DLGAP1: variants seen among roughly 807,000 people sequenced by gnomAD.
The protein encoded by DLGAP1 is DLG associated protein 1.
A neutral mutation model predicts 90.8 loss-of-function variants in DLGAP1; 11 were observed. That is an observed-to-expected ratio of 0.12 (90% CI 0.08 to 0.20). The LOEUF is 0.20. DLGAP1 is among the 10% of genes least tolerant of loss of function. DLGAP1 has a pLI of 1.00. For synonymous variants in DLGAP1, 558 were observed against 540.7 expected (o/e 1.03, Z -0.44); for missense variants, 1,050 against 1,333.8 (o/e 0.79, Z 3.31).
intron 7 of DLGAP1, among the ~76,000 whole-genome samples, chr18:3,602,512 G>A (rs1007457008): frequency 7.4e-5 from 11 of 147,990 alleles, no homozygotes; most frequent in Admixed American, 4.7e-4. Context: ...GGAGAATGGC[G>A]TGAACCCGGG....
intron 11 of DLGAP1, among the ~76,000 whole-genome samples, chr18:3,503,037 A>C (rs527492386): frequency 6.6e-6 from 1 of 152,366 alleles, no homozygotes; most frequent in East Asian, 1.9e-4. Context: ...ATTCCACTAC[A>C]TGCCATACAA....
chr18:4,268,573 G>T (rs909900667), intron 1 of DLGAP1, among the ~76,000 whole-genome samples: 1 of 152,072 alleles, frequency 6.6e-6, no homozygotes, highest in Non-Finnish European at 1.5e-5. Flanking sequence ...TAACAGCAGG[G>T]TTTGTGGGTT....
chr18:4,439,668 G>C lies in DLGAP1; in HGVS notation c.-267+15338C>G, dbSNP rs189820590. On this transcript the variant is annotated intron_variant, in intron 1 of 12. Transcript: ENST00000315677. ...AAAAAAATAAAAATAAACTAGCCAG[G>C]CATGGTGGCACACACCTGTAGTTCC... Among the ~76,000 whole-genome samples the C allele has an allele frequency of 4.5e-4, 68 of 152,198 alleles. No individual in the cohort carries two copies. The South Asian group carries it at 0.01, about 23-fold the overall frequency.
chr18:4,325,026 C>G (rs961559133), intron 1 of DLGAP1, among the ~76,000 whole-genome samples: 1 of 151,998 alleles, frequency 6.6e-6, no homozygotes, highest in Non-Finnish European at 1.5e-5. Flanking sequence ...CACAGTCAGG[C>G]AAGAGAAAGA....
chr18:3,991,792 T>C (rs1196484657), intron 3 of DLGAP1, among the ~76,000 whole-genome samples: 1 of 152,256 alleles, frequency 6.6e-6, no homozygotes, highest in Non-Finnish European at 1.5e-5. Context: ...GAAAACTGCA[T>C]TACATATAGA....
intron 4 of DLGAP1, among the ~76,000 whole-genome samples, chr18:3,851,986 C>T (rs946971893): frequency 1.3e-5 from 2 of 151,704 alleles, no homozygotes; most frequent in Admixed American, 6.6e-5. Context: ...AGTGAAAATG[C>T]AAGTAAATTA....
intron 1 of DLGAP1, among the ~76,000 whole-genome samples, chr18:4,198,383 C>T (rs968943262): frequency 6.6e-6 from 1 of 152,118 alleles, no homozygotes; most frequent in African/African-American, 2.4e-5. Flanking sequence ...TCAATGAAAG[C>T]AATGAGCTCT....
chr18:4,087,771 G>T (rs2143702802), intron 2 of DLGAP1, among the ~76,000 whole-genome samples: 1 of 152,186 alleles, frequency 6.6e-6, no homozygotes, highest in East Asian at 1.9e-4. Context: ...ATATTTAAAT[G>T]ACATATATAC....
intron 9 of DLGAP1, among the ~76,000 whole-genome samples, chr18:3,538,388 G>GAAAGAA: frequency 7.0e-6 from 1 of 141,866 alleles, no homozygotes; most frequent in African/African-American, 2.8e-5. Flanking sequence ...AAAAAAAAAA[G>GAAAGAA]AAAGAAAAAG....
intron 4 of DLGAP1, 47 bp from the exon 5 acceptor site, chr18:3,814,320 T>C: frequency 6.7e-7 from 1 of 1,494,528 alleles, no homozygotes; most frequent in Non-Finnish European, 9.1e-7. Flanking sequence ...AAAGCCTACC[T>C]TTTTCTTTTC....
chr18:3,583,562 C>T (rs1285924047), intron 7 of DLGAP1, among the ~76,000 whole-genome samples: 1 of 152,110 alleles, frequency 6.6e-6, no homozygotes, highest in Non-Finnish European at 1.5e-5. Context: ...GAAATTAATC[C>T]ACATGCTAGC....
intron 5 of DLGAP1, among the ~76,000 whole-genome samples, chr18:3,807,187 C>T (rs1025337360): frequency 2.0e-5 from 3 of 152,192 alleles, no homozygotes; most frequent in African/African-American, 7.2e-5. Context: ...GCTTCTGACG[C>T]CCCTTCAAAT....
chr18:4,236,672 T>C (rs1288672975), intron 1 of DLGAP1, among the ~76,000 whole-genome samples: 1 of 151,962 alleles, frequency 6.6e-6, no homozygotes, highest in Non-Finnish European at 1.5e-5. Context: ...TTATTCCCCA[T>C]GTTGAGCTAC....
intron 1 of DLGAP1, among the ~76,000 whole-genome samples, chr18:4,171,903 T>C (rs1276554842): frequency 6.6e-6 from 1 of 152,204 alleles, no homozygotes; most frequent in Admixed American, 6.5e-5. Flanking sequence ...AACTGCGTCT[T>C]GTCCTGTTTA....
chr18:3,726,059 T>C (rs1250684370), intron 7 of DLGAP1, among the ~76,000 whole-genome samples: 1 of 152,236 alleles, frequency 6.6e-6, no homozygotes, highest in African/African-American at 2.4e-5. Flanking sequence ...AGAGAAGTTC[T>C]ACCTAATAAG....
At chr18:3,968,259 A>T (rs1396169306) in intron 3 of DLGAP1, among the ~76,000 whole-genome samples, 2 of 152,200 alleles carry the variant, frequency 1.3e-5, no homozygotes, top group Admixed American at 1.3e-4. Flanking sequence ...AAATATGCTA[A>T]GATACTCTTT....
chr18:4,342,284 G>A lies in DLGAP1; in HGVS notation c.-267+112722C>T, dbSNP rs1297374568. Among the ~76,000 whole-genome samples, 3 of 151,802 alleles carry A rather than the reference G, an allele frequency of 2.0e-5. No homozygotes were observed. The highest frequency in any genetic ancestry group is 2.9e-5 in the Non-Finnish European group (2 of 67,988). On this transcript the variant is annotated intron_variant, in intron 1 of 12. Transcript: ENST00000315677. This position sits in a 1 kb window ranked among gnomAD's most constrained non-coding sequence, Gnocchi z 5.8. The stretch of plus-strand genomic sequence containing the variant: ...TTCTGCTTGCATTTTAATGGTAGGC[G>A]AGGATTTTTTATATTAGATGTTACT...
At chr18:4,011,545 G>T (rs2074422148) in intron 2 of DLGAP1, among the ~76,000 whole-genome samples, 3 of 151,850 alleles carry the variant, frequency 2.0e-5, no homozygotes. Context: ...GGCTGGGCAT[G>T]GTGGCTCATG....
At chr18:4,422,254 G>A (rs894460441) in intron 1 of DLGAP1, among the ~76,000 whole-genome samples, 17 of 151,738 alleles carry the variant, frequency 1.1e-4, no homozygotes, top group African/African-American at 4.1e-4. Context: ...ACAATGACAT[G>A]ATGTGTAGCC....
Sources: gnomAD v4.1 joint callset for allele counts (sites outside exome capture counted in the v4.1 genomes callset) on GRCh38, gnomAD v4.1.1 for gene constraint, Gnocchi (gnomAD v3.1) non-coding constraint, MANE v1.5 for transcripts, NCBI Gene and HGNC (gene_info 2026-07-23, HGNC 2026-07-21) for gene names.